DBN1: variants seen among roughly 807,000 people sequenced by gnomAD.
The protein encoded by DBN1 is drebrin.
Under a neutral mutation model 83.5 loss-of-function variants are expected in DBN1, and 21 were observed. The observed-to-expected ratio is 0.25, with a 90% CI of 0.18 to 0.36. The LOEUF (loss-of-function observed/expected upper bound fraction) is 0.36. DBN1 is among the 10% of genes least tolerant of loss of function. The probability of loss-of-function intolerance (pLI) is 1.00; values close to 1 mark genes in which losing one functional copy is unlikely to be tolerated. For synonymous variants in DBN1, 381 were observed against 384.9 expected, an observed-to-expected ratio of 0.99 and a Z score of 0.12; for missense variants, 874 against 935.7, an observed-to-expected ratio of 0.93 and a Z score of 0.86.
At position 177,462,205 on chromosome 5, in the gene DBN1, G is replaced by A. The variant is rs530961166; in HGVS notation, c.772-1502C>T. ...CACCTCTCCAACACCACCCCCTGCC[G>A]GCCCCCACCCCAAGGCTCCCACATA... is the stretch of plus-strand genomic sequence containing the variant. On this transcript the variant is annotated intron_variant, in intron 8 of 14. Coordinates refer to ENST00000393565, the MANE Select transcript of DBN1 (RefSeq NM_001363541.2). 2.8e-3 allele frequency: 2,666 copies of A among 954,450 alleles called. 3 individuals are homozygous for A. The highest frequency in any genetic ancestry group is 3.2e-3 in the Admixed American group (41 of 12,964). The allele number at this position is 954,450 out of a possible 1,614,324, so 59.1% of individuals were successfully genotyped here. A position where few individuals can be genotyped will look rare whatever the true frequency, so the allele number is the denominator to read the frequency against.
At chr5:177,472,155 C>T (rs1419108772) in intron 1 of DBN1, 12 of 1,613,284 alleles carry the variant, frequency 7.4e-6, no homozygotes, top group Admixed American at 1.7e-5. Flanking sequence ...GCGTCCATCC[C>T]TCCAGGCCTG....
Position 177,457,097 on chromosome 5 carries a change from C to T in DBN1, c.*336G>A, listed in dbSNP as rs1756555212. 2.9e-6 allele frequency: 1 copy of T among 343,600 alleles called. No individual in the cohort carries two copies. The highest frequency in any genetic ancestry group is 5.4e-6 in the Non-Finnish European group (1 of 185,322). The allele number at this position is 343,600 out of a possible 1,614,324, so 21.3% of individuals were successfully genotyped here. A position where few individuals can be genotyped will look rare whatever the true frequency, so the allele number is the denominator to read the frequency against. On this transcript the variant is annotated 3_prime_UTR_variant, in exon 15 of 15. Transcript: ENST00000393565. ...AGCTCCCCCCACGCCAGGCCCCAAG[C>T]AGGGTGAGGCCTCCAACCCGGCCAG...
At position 177,459,622 on chromosome 5, in the gene DBN1, G is replaced by A. The variant is rs1240142668; in HGVS notation, c.1074C>T (p.Asn358=). 3 of 1,559,458 alleles carry A rather than the reference G, an allele frequency of 1.9e-6. No homozygotes were observed. The highest frequency in any genetic ancestry group is 8.7e-7 in the Non-Finnish European group (1 of 1,152,486). ...ACCTACATGGGAGGGAGGAAGAGAG[G>A]TTTGGGGTGCGGTGGCAGGTGATAT... ...FPYITCHRTP[N]LSSSLPCSHL... Residue 358 remains asparagine (N), a synonymous_variant, in exon 11 of 15, where the codon AAC becomes AAT. Transcript: ENST00000393565.
At position 177,466,823 on chromosome 5, in the gene DBN1, C is replaced by T; in HGVS notation, c.720G>A (p.Gln240=). Residue 240 remains glutamine (Q), a synonymous_variant, in exon 8 of 15, where the codon CAG becomes CAA. Coordinates refer to ENST00000393565, the MANE Select transcript of DBN1 (RefSeq NM_001363541.2). This position sits in a 1 kb window ranked among gnomAD's most constrained non-coding sequence, Gnocchi z 4.8. ...TCTTGGCCTCTTCCGCTTCTAAAGT[C>T]TGCTGTTTCCTCCTGGAACGATAAG... ...QQIEEHRRKQ[Q]TLEAEEAKRR... is the part of the protein sequence containing the mutation. The T allele has an allele frequency of 6.2e-7, 1 of 1,614,192 alleles. No individual in the cohort carries two copies. Among genetic ancestry groups the T allele is most frequent in the South Asian group, 1.1e-5 (1 of 91,082 alleles).
Position 177,457,469 on chromosome 5 carries a change from A to G in DBN1, c.2052T>C (p.Val684=). Residue 684 remains valine (V), a synonymous_variant, in exon 15 of 15, where the codon GTT becomes GTC. Coordinates refer to ENST00000393565, the MANE Select transcript of DBN1 (RefSeq NM_001363541.2). ...IDITCWDADP[V]PEEEEGFEGG... is the part of the protein sequence containing the mutation. Reference sequence around the variant, plus strand: ...CCTCGAAGCCCTCCTCCTCTTCTGGAACTGGGTCTGCATCCCAGCATGTGA... The same window carrying G: ...CCTCGAAGCCCTCCTCCTCTTCTGGGACTGGGTCTGCATCCCAGCATGTGA... 6.2e-7 allele frequency: 1 copy of G among 1,614,156 alleles called. No homozygotes were observed. Among genetic ancestry groups the G allele is most frequent in the Non-Finnish European group, 8.5e-7 (1 of 1,180,004 alleles).
chr5:177,457,696 C>T lies in DBN1; in HGVS notation c.1976G>A (p.Cys659Tyr), dbSNP rs749788928. Residue 659 changes from cysteine (C) to tyrosine (Y), a missense_variant, in exon 14 of 15, where the codon TGT becomes TAT. Cys to Tyr is a radical substitution (Grantham distance 194). Coordinates refer to ENST00000393565, the MANE Select transcript of DBN1 (RefSeq NM_001363541.2). ...GAACACAGGAGGCGGAGCCTTGGCA[C>T]AGAGCTCTTCCGATTGGGCAAACTC... The part of the protein sequence containing the change: ...EEEFAQSEEL[C>Y]AKAPPPVFYN... 9 of 1,612,026 alleles carry T rather than the reference C, an allele frequency of 5.6e-6. No homozygotes were observed. Among genetic ancestry groups the T allele is most frequent in the Non-Finnish European group, 7.6e-6 (9 of 1,178,368 alleles).
chr5:177,469,516 CACTCTCGCCCAG>C (rs1383740728), intron 1 of DBN1, among the ~76,000 whole-genome samples: 1 of 152,230 alleles, frequency 6.6e-6, no homozygotes, highest in Admixed American at 6.5e-5. Flanking sequence ...TCACTGCAGT[CACTCTCGCCCAG>C]ACTCTGGCCC....
rs1416082865 is a variant in DBN1, at chr5:177,467,545, G to A, written c.413C>T (p.Ala138Val). 5.1e-6 allele frequency: 8 copies of A among 1,565,212 alleles called. No individual in the cohort carries two copies. Among genetic ancestry groups the A allele is most frequent in the East Asian group, 2.4e-5 (1 of 41,798 alleles). Reference sequence around the variant, plus strand: ...GTGCAGCACAGGGCTGGAGAGTCGCGCCAGCCCGTTAGAGAGCCGCTGCCC... The same window carrying A: ...GTGCAGCACAGGGCTGGAGAGTCGCACCAGCCCGTTAGAGAGCCGCTGCCC... ...AIGQRLSNGL[A>V]RLSSPVLHRL... Residue 138 changes from alanine (A) to valine (V), a missense_variant, in exon 5 of 15, where the codon GCG becomes GTG. Transcript: ENST00000393565. This position sits in a 1 kb window ranked among gnomAD's most constrained non-coding sequence, Gnocchi z 9.1.
Position 177,459,112 on chromosome 5 carries a change from G to C in DBN1, c.1250C>G (p.Pro417Arg). ...CCCTCTCTCACCTTGGGCTGGTGGG[G>C]GTGGCGGTGGCAGTGGTGGAGGCTG... ...SSQPPPLPPP[P>R]PPAQETQEPS... Residue 417 changes from proline to arginine, a missense_variant, in exon 12 of 15, where the codon CCC becomes CGC. By Grantham distance (103) the Pro-to-Arg change is moderately radical. This residue lies in a region of DBN1 where 725 missense variants were observed against 719.7 expected (regional missense o/e 1.01). Transcript: ENST00000393565. 6.2e-7 allele frequency: 1 copy of C among 1,609,284 alleles called. No homozygotes were observed.
rs1756543354 is a variant in DBN1, at chr5:177,456,984, A to C, written c.*449T>G. 1 of 159,116 alleles carries C rather than the reference A, an allele frequency of 6.3e-6. No individual in the cohort carries two copies. 9.9% of individuals were successfully genotyped at this position (159,116 alleles called of 1,614,324 possible). A position where few individuals can be genotyped will look rare whatever the true frequency, so the allele number is the denominator to read the frequency against. On this transcript the variant is annotated 3_prime_UTR_variant, in exon 15 of 15. Transcript: ENST00000393565. ...CCATGTTTTAAAATTCGTGCAAAAT[A>C]TCTGAAGCCCTGGACAGAGAATACA...
Position 177,457,641 on chromosome 5 carries a change from C to T in DBN1, c.2017+14G>A. ...CGCACCCAAATTCCTCCCCATCATC[C>T]AGCCCAGTACTACCTGGAGGCTTGT... On this transcript the variant is annotated intron_variant, in intron 14 of 14. Coordinates refer to ENST00000393565, the MANE Select transcript of DBN1 (RefSeq NM_001363541.2). 2 of 1,572,322 alleles carry T rather than the reference C, an allele frequency of 1.3e-6. No individual in the cohort carries two copies. The highest frequency in any genetic ancestry group is 1.7e-6 in the Non-Finnish European group (2 of 1,144,004).
chr5:177,465,640 G>A lies in DBN1; in HGVS notation c.771+1132C>T, dbSNP rs1447974800. ...GGAGGCCGAGGCGGGCAGATCAACC[G>A]AGGTCAGGAGTTCAAGACCATCCTG... is the stretch of plus-strand genomic sequence containing the variant. On this transcript the variant is annotated intron_variant, in intron 8 of 14. Transcript: ENST00000393565. 3.3e-5 allele frequency among the ~76,000 whole-genome samples: 5 copies of A among 152,080 alleles called. No homozygotes were observed. The South Asian group carries it at 1.0e-3, about 31-fold the overall frequency.
chr5:177,471,545 T>A (rs1159635002), intron 1 of DBN1, among the ~76,000 whole-genome samples: 1 of 152,098 alleles, frequency 6.6e-6, no homozygotes, highest in African/African-American at 2.4e-5. Context: ...GTGCAGGGTC[T>A]GCCTCTGAGT....
At chr5:177,460,796 T>C (rs1292231944) in intron 8 of DBN1, 93 bp from the exon 9 acceptor site, 2 of 1,328,754 alleles carry the variant, frequency 1.5e-6, no homozygotes, top group Non-Finnish European at 2.1e-6. Flanking sequence ...GATTTTGTTT[T>C]TAAGACAGGT....
At chr5:177,468,617 C>T (rs1757634100) in intron 2 of DBN1, 1 of 428,454 alleles carries the variant, frequency 2.3e-6, no homozygotes, top group Non-Finnish European at 4.1e-6. Flanking sequence ...AAGTCACTTT[C>T]CCTGTTGGAG....
chr5:177,457,401 T>G lies in DBN1; in HGVS notation c.*32A>C. The G allele has an allele frequency of 6.2e-7, 1 of 1,604,770 alleles. No individual in the cohort carries two copies. Among genetic ancestry groups the G allele is most frequent in the Non-Finnish European group, 8.5e-7 (1 of 1,171,844 alleles). Reference sequence around the variant, plus strand: ...CAGAGGCTGATGCAGGTGGGCGGCCTTGGCAAGGGTAGCCTAGGGCTGGCG... The same window carrying G: ...CAGAGGCTGATGCAGGTGGGCGGCCGTGGCAAGGGTAGCCTAGGGCTGGCG... On this transcript the variant is annotated 3_prime_UTR_variant, in exon 15 of 15. Transcript: ENST00000393565.
Position 177,458,371 on chromosome 5 carries a change from G to A in DBN1, c.1601C>T (p.Thr534Ile). 6.2e-7 allele frequency: 1 copy of A among 1,613,980 alleles called. No homozygotes were observed. Among genetic ancestry groups the A allele is most frequent in the Non-Finnish European group, 8.5e-7 (1 of 1,179,916 alleles). ...LWPGNGEGAS[T>I]LQGEPRAPTP... The stretch of plus-strand genomic sequence containing the variant: ...GGGGGCCCTGGGCTCACCCTGGAGT[G>A]TGGAGGCCCCTTCCCCGTTGCCAGG... The change falls in exon 13 of 15, where the codon ACA becomes ATA. Residue 534 changes from threonine (T) to isoleucine (I), a missense_variant. Thr to Ile is a moderately conservative substitution (Grantham distance 89). Transcript: ENST00000393565.
intron 8 of DBN1, among the ~76,000 whole-genome samples, chr5:177,462,004 C>T (rs572499041): frequency 7.2e-5 from 11 of 152,328 alleles, no homozygotes; most frequent in Middle Eastern, 3.4e-3. Context: ...CACCTGCAAG[C>T]CCGGAGCAGC....
intron 10 of DBN1, among the ~76,000 whole-genome samples, chr5:177,460,065 G>A (rs1254482176): frequency 6.6e-6 from 1 of 152,222 alleles, no homozygotes; most frequent in East Asian, 1.9e-4. Flanking sequence ...CTGGGTGCAA[G>A]CTCCGGGAGG....
Sources: gnomAD v4.1 joint callset for allele counts (sites outside exome capture counted in the v4.1 genomes callset) on GRCh38, gnomAD v4.1.1 for gene constraint, gnomAD v4.1.1 regional missense constraint, Gnocchi (gnomAD v3.1) non-coding constraint, MANE v1.5 for transcripts, NCBI Gene and HGNC (gene_info 2026-07-23, HGNC 2026-07-21) for gene names.